The following TRAK1 variants were observed in gnomAD, a reference collection of about 807,000 sequenced individuals.
The protein encoded by TRAK1 is trafficking kinesin protein 1.
In TRAK1, 33 loss-of-function variants were observed where a neutral mutation model predicts 92.1. That is an observed-to-expected ratio of 0.36 (90% CI 0.27 to 0.48). The LOEUF (loss-of-function observed/expected upper bound fraction) is 0.48. Among genes scored for constraint, TRAK1 ranks in the 20% least tolerant of loss-of-function variants. The pLI is 0.99. For synonymous variants in TRAK1, 521 were observed against 517.3 expected (o/e 1.01, Z -0.10); for missense variants, 1,123 against 1,257.9 (o/e 0.89, Z 1.62).
intron 2 of TRAK1, among the ~76,000 whole-genome samples, chr3:42,167,363 G>A (rs182088188): frequency 6.9e-4 from 105 of 152,274 alleles, no homozygotes; most frequent in African/African-American, 2.5e-3. Flanking sequence ...AGGTGGGAAG[G>A]GACATTTGTA....
chr3:42,184,660 C>CTG, intron 3 of TRAK1, 25 bp from the exon 4 acceptor site: 1 of 1,610,092 alleles, frequency 6.2e-7, no homozygotes, highest in Non-Finnish European at 8.5e-7. Context: ...TTTTGAATCT[C>CTG]TGTTCTCCCT....
chr3:42,218,781 C>A, intron 14 of TRAK1: 1 of 985,404 alleles, frequency 1.0e-6, no homozygotes, highest in Non-Finnish European at 1.2e-6. Context: ...TTAGAGATGT[C>A]AAGAAAGCAG....
chr3:42,043,800 G>T (rs1702652424), intron 1 of TRAK1, among the ~76,000 whole-genome samples: 1 of 151,830 alleles, frequency 6.6e-6, no homozygotes, highest in Non-Finnish European at 1.5e-5. Context: ...TCCCCAGAGG[G>T]GGCACAGGTT....
chr3:42,143,602 G>A (rs762725835), intron 2 of TRAK1, among the ~76,000 whole-genome samples: 2 of 152,140 alleles, frequency 1.3e-5, no homozygotes, highest in African/African-American at 2.4e-5. Context: ...CCGAAGATGC[G>A]GTGACTAAGG....
chr3:42,014,145 C>G (rs541670648), intron 1 of TRAK1: 98 of 152,206 alleles, frequency 6.4e-4, no homozygotes, highest in Non-Finnish European at 1.2e-3. Flanking sequence ...TCACCCGCGC[C>G]GCCTGCGCCT....
chr3:42,200,196 G>A (rs1366939049), intron 11 of TRAK1, among the ~76,000 whole-genome samples: 1 of 152,210 alleles, frequency 6.6e-6, no homozygotes. Flanking sequence ...GACACCCTCT[G>A]CAGCCCAGAA....
chr3:42,052,444 C>T (rs1288230216), intron 1 of TRAK1, among the ~76,000 whole-genome samples: 2 of 152,176 alleles, frequency 1.3e-5, no homozygotes, highest in Non-Finnish European at 2.9e-5. Flanking sequence ...TTGGGGGTTG[C>T]TCCCACATAG....
chr3:42,122,545 A>G (rs1014760236), intron 1 of TRAK1, among the ~76,000 whole-genome samples: 2 of 152,280 alleles, frequency 1.3e-5, no homozygotes, highest in South Asian at 2.1e-4. Flanking sequence ...AAGAGATGCT[A>G]CCGACTAGGT....
chr3:42,105,369 C>T (rs892334292), intron 1 of TRAK1, among the ~76,000 whole-genome samples: 2 of 152,114 alleles, frequency 1.3e-5, no homozygotes, highest in Non-Finnish European at 2.9e-5. Context: ...CTATGTGACG[C>T]ATGCACAAGC....
At chr3:42,152,643 G>A (rs189716311) in intron 2 of TRAK1, among the ~76,000 whole-genome samples, 20 of 152,334 alleles carry the variant, frequency 1.3e-4, no homozygotes, top group African/African-American at 4.6e-4. Context: ...CCTCAGGCAT[G>A]GGGAGGGGCT....
chr3:42,033,653 TC>T (rs1282241738), intron 1 of TRAK1, among the ~76,000 whole-genome samples: 1 of 152,170 alleles, frequency 6.6e-6, no homozygotes, highest in Non-Finnish European at 1.5e-5. Context: ...CACAGTTTTT[TC>T]ATCTAGAATA....
intron 2 of TRAK1, chr3:42,149,411 A>T: frequency 1.3e-6 from 2 of 1,489,968 alleles, no homozygotes; most frequent in South Asian, 1.3e-5. Flanking sequence ...TGTACAGCCT[A>T]ATTCTGGTGT....
chr3:42,173,079 G>A (rs563785404), intron 2 of TRAK1, among the ~76,000 whole-genome samples: 9 of 152,310 alleles, frequency 5.9e-5, no homozygotes, highest in South Asian at 2.1e-4. Flanking sequence ...CAGGGAGGCC[G>A]AGGTTGCAGT....
rs370449306 is a variant in TRAK1 at position 42,223,246 on chromosome 3, A to G, written c.2371A>G (p.Thr791Ala). 79 of 1,614,074 alleles carry G rather than the reference A, an allele frequency of 4.9e-5. No individual in the cohort carries two copies. The African/African-American group carries it at 5.3e-4, about 11-fold the overall frequency. Residue 791 changes from threonine (T) to alanine (A), a missense_variant, in exon 16 of 16, where the codon ACA becomes GCA. Thr to Ala is a moderately conservative substitution (Grantham distance 58, BLOSUM62 0). Around this residue, in one of 3 missense-constraint regions of TRAK1, gnomAD observed 401 missense variants for 438.9 expected, o/e 0.91. Coordinates refer to ENST00000327628, the MANE Select transcript of TRAK1 (RefSeq NM_001042646.3). This position sits in a 1 kb window ranked among gnomAD's most constrained non-coding sequence, Gnocchi z 6.1. ...TPPNSPMQTP[T>A]SSPPSFEFKC... ...GCCGAACTCGCCTATGCAGACACCCACATCCTCCCCACCCTCCTTTGAGTT... is the reference window on the plus strand; with the variant it reads ...GCCGAACTCGCCTATGCAGACACCCGCATCCTCCCCACCCTCCTTTGAGTT...
chr3:42,206,443 G>A (rs755596834), intron 13 of TRAK1, among the ~76,000 whole-genome samples: 91 of 152,226 alleles, frequency 6.0e-4, no homozygotes, highest in Non-Finnish European at 1.2e-3. Context: ...TGTCACTGCT[G>A]AGAGTTAAGA....
intron 14 of TRAK1, chr3:42,219,225 C>T (rs1227607734): frequency 2.0e-5 from 20 of 984,988 alleles, no homozygotes; most frequent in Non-Finnish European, 2.3e-5. Context: ...AGACTGGATC[C>T]ACTACTGGCC....
intron 1 of TRAK1, among the ~76,000 whole-genome samples, chr3:42,038,621 A>G (rs1702414449): frequency 1.3e-5 from 2 of 151,800 alleles, no homozygotes; most frequent in South Asian, 4.2e-4. Flanking sequence ...TCCCATCTCT[A>G]CTAAAAATAC....
chr3:42,074,676 G>GTT (rs756876379), intron 1 of TRAK1, among the ~76,000 whole-genome samples: 2,076 of 141,506 alleles, frequency 0.015, 41 homozygotes, highest in African/African-American at 0.049. Flanking sequence ...TCTCAGACTA[G>GTT]TTTTTTTTTT....
chr3:42,202,318 T>A lies in TRAK1; in HGVS notation c.1428-118T>A. Reference sequence around the variant, plus strand: ...CCTAAATGTCAACTGCTTGCCTTGGTTCCCATGGAGAATCCTGTAGCCCCA... The same window carrying A: ...CCTAAATGTCAACTGCTTGCCTTGGATCCCATGGAGAATCCTGTAGCCCCA... On this transcript the variant is annotated intron_variant, in intron 12 of 15. Coordinates refer to ENST00000327628, the MANE Select transcript of TRAK1 (RefSeq NM_001042646.3). This position sits in a 1 kb window ranked among gnomAD's most constrained non-coding sequence, Gnocchi z 6.1. 8.8e-7 allele frequency: 1 copy of A among 1,140,502 alleles called. No homozygotes were observed. The highest frequency in any genetic ancestry group is 2.9e-5 in the East Asian group (1 of 34,818). 70.6% of individuals were successfully genotyped at this position (1,140,502 alleles called of 1,614,324 possible).
Sources: allele counts gnomAD v4.1 joint callset (sites outside exome capture counted in the v4.1 genomes callset), GRCh38; gene constraint gnomAD v4.1.1; regional missense constraint gnomAD v4.1.1; non-coding constraint Gnocchi (gnomAD v3.1); transcripts MANE v1.5; gene names NCBI Gene and HGNC (gene_info 2026-07-23, HGNC 2026-07-21).